UBE3D: variants seen among roughly 807,000 people sequenced by gnomAD.
UBE3D encodes the protein ubiquitin protein ligase E3D, also known as E3 ubiquitin-protein ligase E3D.
UBE3D carries 48 observed loss-of-function variants against 49.6 expected under a neutral mutation model. That is an observed-to-expected ratio of 0.97 (90% CI 0.77 to 1.23). The LOEUF (loss-of-function observed/expected upper bound fraction) is 1.23. Among genes scored for constraint, UBE3D ranks in the 50% most tolerant of loss-of-function variants. UBE3D has a pLI of 0.00. For synonymous variants in UBE3D, 189 were observed against 174.2 expected, an observed-to-expected ratio of 1.08 and a Z score of -0.67; for missense variants, 452 against 468.4, an observed-to-expected ratio of 0.96 and a Z score of 0.32.
chr6:82,927,297 T>G (rs1450976977), intron 9 of UBE3D, among the ~76,000 whole-genome samples: 1 of 151,834 alleles, frequency 6.6e-6, no homozygotes, highest in Non-Finnish European at 1.5e-5. Flanking sequence ...GTAGTGTCAG[T>G]CCTCTAACTT....
At chr6:82,931,276 C>T (rs1441194875) in intron 9 of UBE3D, among the ~76,000 whole-genome samples, 1 of 152,236 alleles carries the variant, frequency 6.6e-6, no homozygotes, top group Non-Finnish European at 1.5e-5. Flanking sequence ...GTGGAGCCCT[C>T]ATGGAGAACT....
At position 83,057,864 on chromosome 6, in the gene UBE3D, A is replaced by T. The variant is rs781134325; in HGVS notation, c.236T>A (p.Leu79Gln). Residue 79 changes from leucine to glutamine, a missense_variant, in exon 2 of 10, where the codon CTG becomes CAG. Leu to Gln is a moderately radical substitution (Grantham distance 113). Transcript: ENST00000369747. ...TGCTTGCGTCTGCAGTCGCAGGTGC[A>T]GTCCATCTCCAACAACAAACTGTAG... ...RGLQFVVGDG[L>Q]HLRLQTQAKL... 4.4e-5 allele frequency: 71 copies of T among 1,614,068 alleles called. No homozygotes were observed. The highest frequency in any genetic ancestry group is 5.7e-5 in the Non-Finnish European group (67 of 1,180,040).
At chr6:82,914,295 C>G (rs1268011890) in intron 9 of UBE3D, among the ~76,000 whole-genome samples, 4 of 152,108 alleles carry the variant, frequency 2.6e-5, no homozygotes, top group African/African-American at 9.7e-5. Context: ...TCCATGAATG[C>G]TTTGAAACAG....
chr6:82,894,333 ATATC>A (rs1267352116), intron 9 of UBE3D, among the ~76,000 whole-genome samples: 2 of 152,112 alleles, frequency 1.3e-5, no homozygotes, highest in Non-Finnish European at 2.9e-5. Context: ...CATTGCTATC[ATATC>A]TTGCTGGACA....
chr6:83,048,079 CA>C lies in UBE3D; in HGVS notation c.366-3421del, dbSNP rs35344320. ...CCTGGGCAACAGGGAGACTCCAGCTCAAAAAAAAAAAAAAAAAAAAAAAAAA... is the reference window on the plus strand; with the variant it reads ...CCTGGGCAACAGGGAGACTCCAGCTCAAAAAAAAAAAAAAAAAAAAAAAAA... On this transcript the variant is annotated intron_variant, in intron 3 of 9. Coordinates refer to ENST00000369747, the MANE Select transcript of UBE3D (RefSeq NM_198920.3). 8.0e-3 allele frequency among the ~76,000 whole-genome samples: 384 copies of C among 48,056 alleles called. 1 individual carries two copies. The highest frequency in any genetic ancestry group is 0.031 in the South Asian group (22 of 720). 31.5% of individuals were successfully genotyped at this position (48,056 alleles called of 152,430 possible).
intron 8 of UBE3D, among the ~76,000 whole-genome samples, chr6:82,986,057 T>G (rs948377849): frequency 2.0e-5 from 3 of 152,204 alleles, no homozygotes; most frequent in Admixed American, 1.3e-4. Flanking sequence ...AAACAAAATT[T>G]GATGGCATTT....
intron 7 of UBE3D, among the ~76,000 whole-genome samples, 165 bp from the exon 8 acceptor site, chr6:83,019,301 C>T (rs1437339511): frequency 6.7e-6 from 1 of 148,314 alleles, no homozygotes; most frequent in Non-Finnish European, 1.5e-5. Context: ...ACATAACTCT[C>T]GGTAGAGCAA....
intron 9 of UBE3D, among the ~76,000 whole-genome samples, chr6:82,901,618 A>G (rs1771744746): frequency 6.6e-6 from 1 of 152,186 alleles, no homozygotes; most frequent in African/African-American, 2.4e-5. Context: ...TTAAAGTGAC[A>G]TAGCTAATTA....
intron 9 of UBE3D, among the ~76,000 whole-genome samples, chr6:82,956,408 C>T (rs920224829): frequency 1.3e-5 from 2 of 152,056 alleles, no homozygotes; most frequent in Non-Finnish European, 2.9e-5. Context: ...GCGAGGGAGG[C>T]GGGGGGTCTT....
At chr6:82,896,986 G>A (rs1017835770) in intron 9 of UBE3D, among the ~76,000 whole-genome samples, 17 of 151,596 alleles carry the variant, frequency 1.1e-4, no homozygotes, top group African/African-American at 3.9e-4. Context: ...TGATCCACCC[G>A]CCCCGGCCTC....
At chr6:82,936,040 G>C (rs543578384) in intron 9 of UBE3D, among the ~76,000 whole-genome samples, 80 of 152,046 alleles carry the variant, frequency 5.3e-4, no homozygotes, top group African/African-American at 1.6e-3. Flanking sequence ...ATAGTAATGG[G>C]GAAATGTGGG....
chr6:83,027,995 T>A (rs1386889271), intron 5 of UBE3D, among the ~76,000 whole-genome samples: 1 of 151,650 alleles, frequency 6.6e-6, no homozygotes, highest in Non-Finnish European at 1.5e-5. Context: ...TTGTCATCTA[T>A]CTTTTGCTCG....
chr6:82,992,628 C>T (rs560186956), intron 8 of UBE3D, among the ~76,000 whole-genome samples: 10 of 152,224 alleles, frequency 6.6e-5, no homozygotes, highest in East Asian at 1.9e-4. Flanking sequence ...AACAGTTACA[C>T]GCCTTCTTTT....
intron 8 of UBE3D, among the ~76,000 whole-genome samples, chr6:82,997,405 T>C (rs1488493566): frequency 6.6e-6 from 1 of 152,098 alleles, no homozygotes; most frequent in East Asian, 1.9e-4. Flanking sequence ...CTATGGTATA[T>C]GACATTATTT....
chr6:82,985,504 A>G (rs539600215), intron 8 of UBE3D, among the ~76,000 whole-genome samples: 4 of 152,228 alleles, frequency 2.6e-5, no homozygotes, highest in African/African-American at 9.6e-5. Context: ...CTTGGACTAC[A>G]GGCATATGCC....
chr6:82,907,626 T>G (rs991271216), intron 9 of UBE3D, among the ~76,000 whole-genome samples: 5 of 152,046 alleles, frequency 3.3e-5, no homozygotes, highest in African/African-American at 1.2e-4. Flanking sequence ...GTTAGGGAAA[T>G]GCAAATGAAA....
At position 83,003,707 on chromosome 6, in the gene UBE3D, A is replaced by G. The variant is rs544248263; in HGVS notation, c.1010+15266T>C. 3.3e-5 allele frequency among the ~76,000 whole-genome samples: 5 copies of G among 152,326 alleles called. No homozygotes were observed. In the South Asian group the frequency reaches 6.2e-4, roughly 19 times the overall value. On this transcript the variant is annotated intron_variant, in intron 8 of 9. Transcript: ENST00000369747. Reference sequence around the variant, plus strand: ...AATGGTAACACAATGGTAATTATCTATGTATCTAAACATATCTAAACACAG... The same window carrying G: ...AATGGTAACACAATGGTAATTATCTGTGTATCTAAACATATCTAAACACAG...
In UBE3D at chr6:83,057,841, C is replaced by A; in HGVS notation, c.259G>T (p.Ala87Ser). ...TATTACTCACTTGTGCCTAATTTTG[C>A]TTGCGTCTGCAGTCGCAGGTGCAGT... is the stretch of plus-strand genomic sequence containing the variant. The part of the protein sequence containing the change: ...DGLHLRLQTQ[A>S]KLGTKLISMF... Residue 87 changes from alanine (A) to serine (S), a missense_variant, in exon 2 of 10, where the codon GCA becomes TCA. Physicochemically the swap from Ala to Ser is moderately conservative, Grantham distance 99. Coordinates refer to ENST00000369747, the MANE Select transcript of UBE3D (RefSeq NM_198920.3). 1 of 1,614,092 alleles carries A rather than the reference C, an allele frequency of 6.2e-7. No homozygotes were observed. The highest frequency in any genetic ancestry group is 8.5e-7 in the Non-Finnish European group (1 of 1,179,998).
At chr6:83,047,621 G>GA (rs1254783836) in intron 3 of UBE3D, among the ~76,000 whole-genome samples, 1 of 152,194 alleles carries the variant, frequency 6.6e-6, no homozygotes, top group Non-Finnish European at 1.5e-5. Flanking sequence ...AGCTGGCAAG[G>GA]AATGTGGCCT....
Sources: gnomAD v4.1 joint callset for allele counts (sites outside exome capture counted in the v4.1 genomes callset) on GRCh38, gnomAD v4.1.1 for gene constraint, MANE v1.5 for transcripts, NCBI Gene and HGNC (gene_info 2026-07-23, HGNC 2026-07-21) for gene names.